FUS: variants seen among roughly 807,000 people sequenced by gnomAD.
The protein encoded by FUS is RNA-binding protein FUS.
FUS carries 5 observed loss-of-function variants against 82.7 expected under a neutral mutation model. The ratio of observed to expected loss-of-function variants is 0.06; its 90% CI spans 0.03 to 0.13. FUS has a LOEUF of 0.13. Ranked by LOEUF, FUS falls within the 10% of genes least tolerant of loss-of-function variation. FUS has a pLI of 1.00. For missense variants in FUS, 512 were observed against 707.8 expected, an observed-to-expected ratio of 0.72 and a Z score of 3.14; for synonymous variants, 281 against 247.4, an observed-to-expected ratio of 1.14 and a Z score of -1.27.
chr16:31,190,957 T>C lies in FUS; in HGVS notation c.1394-6T>C. ...AATATGATAGATCTTGTTTCTTTTG[T>C]CCTAGGGGGTAACTACGGGGATGAT... On this transcript the variant is annotated splice_region_variant and splice_polypyrimidine_tract_variant and intron_variant, in intron 13 of 14. Coordinates refer to ENST00000254108, the MANE Select transcript of FUS (RefSeq NM_004960.4). The C allele has an allele frequency of 6.2e-7, 1 of 1,612,174 alleles. No homozygotes were observed.
intron 7 of FUS, chr16:31,187,782 A>G: frequency 4.2e-6 from 1 of 238,022 alleles, no homozygotes; most frequent in Non-Finnish European, 8.3e-6. Flanking sequence ...TAAAAAATAC[A>G]ATAGCTATTA....
chr16:31,181,158 G>A (rs900820625), intron 1 of FUS, among the ~76,000 whole-genome samples: 5 of 152,086 alleles, frequency 3.3e-5, no homozygotes, highest in Non-Finnish European at 5.9e-5. Context: ...CAGGTGATCC[G>A]CCCGCCTGGG....
intron 7 of FUS, chr16:31,187,596 T>C (rs2079289221): frequency 4.3e-6 from 1 of 231,046 alleles, no homozygotes; most frequent in Admixed American, 5.6e-5. Context: ...TTTCTTGATT[T>C]GTTTCAAGAT....
At chr16:31,188,517 C>G (rs949046880) in intron 8 of FUS, 160 bp downstream of exon 8, 3 of 796,310 alleles carry the variant, frequency 3.8e-6, no homozygotes, top group African/African-American at 3.4e-5. Flanking sequence ...GTATTTGTTA[C>G]GAAGTATTTC....
chr16:31,191,293 A>C, intron 14 of FUS, 106 bp from the exon 15 acceptor site: 1 of 1,513,198 alleles, frequency 6.6e-7, no homozygotes, highest in Non-Finnish European at 9.2e-7. Flanking sequence ...CACTTGAGAT[A>C]AGATACTCGC....
intron 14 of FUS, 69 bp from the exon 15 acceptor site, chr16:31,191,330 A>T: frequency 6.3e-7 from 1 of 1,588,336 alleles, no homozygotes; most frequent in South Asian, 1.1e-5. Context: ...GGCAGATAGG[A>T]TATCTAGGCT....
intron 8 of FUS, 160 bp from the exon 9 acceptor site, chr16:31,188,963 G>A (rs2079312550): frequency 3.0e-6 from 2 of 660,532 alleles, no homozygotes; most frequent in Admixed American, 4.8e-5. Context: ...TATCAGCATG[G>A]CTGGCATATA....
chr16:31,186,132 AAAAC>A (rs1430340598), intron 6 of FUS: 9 of 238,934 alleles, frequency 3.8e-5, no homozygotes, highest in Admixed American at 3.1e-4. Flanking sequence ...TTTAAAAAGA[AAAAC>A]AACTGTTATG....
chr16:31,183,999 G>A lies in FUS; in HGVS notation c.332G>A (p.Gly111Glu), dbSNP rs1395844307. ...CAGCCAGCTCCCAGCAGCACCTCGG[G>A]AAGGTACGGTGGTGTTGATGTCGGG... ...GQQPAPSSTS[G>E]SYGSSSQSSS... The change falls in exon 4 of 15, where the codon GGA becomes GAA. Residue 111 changes from glycine to glutamate, a missense_variant. Transcript: ENST00000254108. The A allele has an allele frequency of 6.2e-7, 1 of 1,614,150 alleles. No individual in the cohort carries two copies. The highest frequency in any genetic ancestry group is 8.5e-7 in the Non-Finnish European group (1 of 1,180,032).
At chr16:31,191,989 T>G, downstream of FUS, 1 of 533,344 alleles carries the variant, frequency 1.9e-6, no homozygotes, top group South Asian at 1.5e-5. Context: ...GGGGCAGTAT[T>G]CAGATTTGAC....
intron 14 of FUS, 128 bp downstream of exon 14, chr16:31,191,238 G>T (rs2079353233): frequency 6.8e-7 from 1 of 1,471,542 alleles, no homozygotes; most frequent in Non-Finnish European, 9.4e-7. Flanking sequence ...AACCAGTAGT[G>T]GAGAGGGAAG....
chr16:31,180,416 C>T (rs2058038028), intron 1 of FUS, among the ~76,000 whole-genome samples, 189 bp downstream of exon 1: 1 of 152,010 alleles, frequency 6.6e-6, no homozygotes, highest in Non-Finnish European at 1.5e-5. Context: ...CTCTGGCCCT[C>T]GCGCGCGGGG....
chr16:31,181,435 A>G (rs1161223141), intron 1 of FUS, among the ~76,000 whole-genome samples: 1 of 152,186 alleles, frequency 6.6e-6, no homozygotes. Flanking sequence ...AAACGGAACC[A>G]TCTGGAGTCC....
chr16:31,186,715 G>A, intron 6 of FUS, 87 bp from the exon 7 acceptor site: 1 of 1,312,784 alleles, frequency 7.6e-7, no homozygotes, highest in Non-Finnish European at 1.1e-6. Flanking sequence ...ACCTACCCAT[G>A]TTTGGGGAAT....
At chr16:31,191,905 G>A (rs1390258119), downstream of FUS, 1 of 536,784 alleles carries the variant, frequency 1.9e-6, no homozygotes, top group Non-Finnish European at 3.6e-6. Flanking sequence ...ATTTGCAGCA[G>A]TTTATCCCTT....
rs576580714 is a variant in FUS at position 31,188,345 on chromosome 16, C to T, written c.820C>T (p.Arg274Cys). The T allele has an allele frequency of 2.0e-5, 32 of 1,613,360 alleles. No homozygotes were observed. Among genetic ancestry groups the T allele is most frequent in the African/African-American group, 2.7e-5 (2 of 74,752 alleles). ...TAAAGGCCCTCGGGACCAAGGATCA[C>T]GTCATGACTCCGGTGAGTTCACACG... ...KFGGPRDQGS[R>C]HDSEQDNSDN... The change falls in exon 8 of 15, where the codon CGT becomes TGT. Residue 274 changes from arginine to cysteine, a missense_variant. Transcript: ENST00000254108.
At chr16:31,184,133 T>C (rs1260375071) in intron 4 of FUS, 76 bp from the exon 5 acceptor site, 1 of 1,613,668 alleles carries the variant, frequency 6.2e-7, no homozygotes, top group Non-Finnish European at 8.5e-7. Flanking sequence ...GTACAGAGAA[T>C]GGACTCCACT....
In FUS at chr16:31,191,048, C is replaced by T. The variant is rs778436087; in HGVS notation, c.1479C>T (p.Gly493=). The change falls in exon 14 of 15, where the codon GGC becomes GGT. Residue 493 remains glycine, a synonymous_variant. Coordinates refer to ENST00000254108, the MANE Select transcript of FUS (RefSeq NM_004960.4). ...GGGGCCGCGGCGGGGACCGTGGAGG[C>T]TTCCGAGGGGGCCGGGGTGGTGGGG... ...GYRGRGGDRG[G]FRGGRGGGDR... The T allele has an allele frequency of 6.2e-7, 1 of 1,613,488 alleles. No individual in the cohort carries two copies. Among genetic ancestry groups the T allele is most frequent in the Admixed American group, 1.7e-5 (1 of 59,990 alleles).
chr16:31,189,894 C>G (rs2079327018), intron 10 of FUS, 100 bp downstream of exon 10: 4 of 1,597,282 alleles, frequency 2.5e-6, no homozygotes, highest in Admixed American at 1.7e-5. Flanking sequence ...TCTTCCAACA[C>G]TTACTTTAGC....
Sources: gnomAD v4.1 joint callset for allele counts (sites outside exome capture counted in the v4.1 genomes callset) on GRCh38, gnomAD v4.1.1 for gene constraint, MANE v1.5 for transcripts, NCBI Gene and HGNC (gene_info 2026-07-23, HGNC 2026-07-21) for gene names.